Variants in AK8 observed in about 807,000 individuals in gnomAD.
AK8 encodes the protein adenylate kinase 8, also known as ATP-AMP transphosphorylase 8.
Under a neutral mutation model 54.6 loss-of-function variants are expected in AK8, and 44 were observed. The ratio of observed to expected loss-of-function variants is 0.81; its 90% CI spans 0.63 to 1.04. AK8 has a LOEUF of 1.04. Among genes scored for constraint, AK8 ranks in the 50% least tolerant of loss-of-function variants. AK8 has a pLI of 0.00. For missense variants in AK8, 555 were observed against 613.6 expected (o/e 0.90, Z 1.01); for synonymous variants, 239 against 245.6 (o/e 0.97, Z 0.25).
At chr9:132,864,244 G>C (rs1343751877) in intron 3 of AK8, among the ~76,000 whole-genome samples, 1 of 152,164 alleles carries the variant, frequency 6.6e-6, no homozygotes, top group Non-Finnish European at 1.5e-5. Context: ...TAGTCTATAA[G>C]GGAAGAGTAA....
At chr9:132,838,914 T>C (rs1842428727) in intron 5 of AK8, among the ~76,000 whole-genome samples, 1 of 152,146 alleles carries the variant, frequency 6.6e-6, no homozygotes, top group Non-Finnish European at 1.5e-5. Flanking sequence ...GGCCAGTAAA[T>C]GCTAGCTGAG....
In AK8 at chr9:132,863,703, T is replaced by C. The variant is rs374191378; in HGVS notation, c.295A>G (p.Thr99Ala). The C allele has an allele frequency of 4.3e-6, 7 of 1,613,852 alleles. No individual in the cohort carries two copies. Among genetic ancestry groups the C allele is most frequent in the Non-Finnish European group, 5.9e-6 (7 of 1,179,976 alleles). ...TAAAGCCTTCTGGCTTCGGTGGCCG[T>C]ATAGGAAAACTCATTTAAGATCAGG... ...ENLILNEFSY[T>A]ATEARRLYLQ... Residue 99 changes from threonine (T) to alanine (A), a missense_variant, in exon 4 of 13, where the codon ACG (threonine) becomes GCG (alanine). By Grantham distance (58) the Thr-to-Ala change is moderately conservative (BLOSUM62 0). Transcript: ENST00000298545.
chr9:132,762,239 C>T (rs1039588062), intron 11 of AK8, among the ~76,000 whole-genome samples: 1 of 152,170 alleles, frequency 6.6e-6, no homozygotes, highest in Admixed American at 6.5e-5. Context: ...AAGGAATCCA[C>T]TTTTGCTCTA....
intron 11 of AK8, among the ~76,000 whole-genome samples, chr9:132,780,431 T>C (rs1036278863): frequency 2.0e-5 from 3 of 152,062 alleles, no homozygotes; most frequent in Admixed American, 6.5e-5. Context: ...CTGGAGGAAA[T>C]GTCTGTGTGG....
At chr9:132,840,492 G>A (rs910547533) in intron 5 of AK8, among the ~76,000 whole-genome samples, 10 of 151,456 alleles carry the variant, frequency 6.6e-5, no homozygotes, top group East Asian at 1.9e-4. Flanking sequence ...CAGCTGGCTC[G>A]GAAATTTCAC....
chr9:132,850,220 ATT>A (rs34506307), intron 5 of AK8, among the ~76,000 whole-genome samples: 14 of 122,986 alleles, frequency 1.1e-4, no homozygotes, highest in African/African-American at 1.2e-4. Flanking sequence ...TGCCCAGCTA[ATT>A]TTTTTTTTTT....
chr9:132,817,928 T>C (rs1841402474), intron 9 of AK8, among the ~76,000 whole-genome samples: 6 of 152,200 alleles, frequency 3.9e-5, no homozygotes, highest in Admixed American at 3.9e-4. Context: ...CGTAGTCAAA[T>C]TGCTGAAAGC....
intron 9 of AK8, among the ~76,000 whole-genome samples, chr9:132,821,799 A>ATATATG (rs1554797752): frequency 4.2e-5 from 5 of 117,866 alleles, no homozygotes; most frequent in Non-Finnish European, 9.3e-5. Context: ...AAATATATAC[A>ATATATG]TATATGTGTA....
intron 10 of AK8, among the ~76,000 whole-genome samples, chr9:132,793,010 T>C (rs530837244): frequency 6.6e-6 from 1 of 152,308 alleles, no homozygotes; most frequent in East Asian, 1.9e-4. Context: ...GGTCTTTCCC[T>C]TTCCTGGACA....
rs1263803288 is a variant in AK8 at position 132,837,345 on chromosome 9, A to G, written c.403-8619T>C. On this transcript the variant is annotated intron_variant, in intron 5 of 12. Transcript: ENST00000298545. This position sits in a 1 kb window ranked among gnomAD's most constrained non-coding sequence, Gnocchi z 4.3. ...AAAAAAAAAAAAAAAAAAAGAATGA[A>G]AGAATGAGGAGTTGGCCCCCTTCTG... Among the ~76,000 whole-genome samples the G allele has an allele frequency of 6.6e-6, 1 of 151,424 alleles. No individual in the cohort carries two copies.
intron 4 of AK8, among the ~76,000 whole-genome samples, chr9:132,858,356 G>A (rs532506954): frequency 3.3e-5 from 5 of 152,342 alleles, no homozygotes; most frequent in Non-Finnish European, 5.9e-5. Flanking sequence ...CTGCCCCTGG[G>A]GCGTCACTTG....
rs558585703 is a variant in AK8, at chr9:132,794,602, T to C, written c.980-1827A>G. ...TTCTTTAATGTCTGCGTCTCTTTCA[T>C]GGATGGGTCCCATAATAACAAAGAA... On this transcript the variant is annotated intron_variant, in intron 10 of 12. Coordinates refer to ENST00000298545, the MANE Select transcript of AK8 (RefSeq NM_152572.3). 5.3e-5 allele frequency among the ~76,000 whole-genome samples: 8 copies of C among 152,372 alleles called. No homozygotes were observed. In the South Asian group the frequency reaches 1.7e-3, roughly 32 times the overall value.
chr9:132,775,931 T>A (rs1318030841), intron 11 of AK8, among the ~76,000 whole-genome samples: 2 of 152,234 alleles, frequency 1.3e-5, no homozygotes, highest in South Asian at 4.1e-4. Context: ...CATTTTTTGA[T>A]GTCACTGCTT....
intron 10 of AK8, among the ~76,000 whole-genome samples, chr9:132,796,239 C>A (rs1420194159): frequency 6.6e-6 from 1 of 152,222 alleles, no homozygotes; most frequent in African/African-American, 2.4e-5. Context: ...CTGAGTCCCT[C>A]ACATTGGCCA....
At chr9:132,876,009 A>G (rs1042027556) in intron 1 of AK8, among the ~76,000 whole-genome samples, 4 of 152,230 alleles carry the variant, frequency 2.6e-5, no homozygotes, top group Admixed American at 1.3e-4. Context: ...CAGAGAAATG[A>G]GGAGGAGCTC....
rs542417923 is a variant in AK8, at chr9:132,749,620, C to G, written c.1122-22086G>C. Among the ~76,000 whole-genome samples, 4 of 151,952 alleles carry G rather than the reference C, an allele frequency of 2.6e-5. No homozygotes were observed. The South Asian group carries it at 8.3e-4, about 32-fold the overall frequency. On this transcript the variant is annotated intron_variant, in intron 11 of 12. Coordinates refer to ENST00000298545, the MANE Select transcript of AK8 (RefSeq NM_152572.3). ...GAACTCGCGACTCACAGCTGCTGGACTCTAACATCCAGGGTGGGAGCCACT... is the reference window on the plus strand; with the variant it reads ...GAACTCGCGACTCACAGCTGCTGGAGTCTAACATCCAGGGTGGGAGCCACT...
rs1029017868 is a variant in AK8, at chr9:132,752,828, C to G, written c.1122-25294G>C. Among the ~76,000 whole-genome samples the G allele has an allele frequency of 3.3e-5, 5 of 152,018 alleles. No homozygotes were observed. The South Asian group carries it at 6.2e-4, about 19-fold the overall frequency. ...AGCCCTCCTCAGAGGCACCTTCCCC[C>G]ACCAGCGCATCCAAACCAGTCAGCT... On this transcript the variant is annotated intron_variant, in intron 11 of 12. Coordinates refer to ENST00000298545, the MANE Select transcript of AK8 (RefSeq NM_152572.3).
intron 11 of AK8, among the ~76,000 whole-genome samples, chr9:132,744,638 T>C (rs1232451966): frequency 6.6e-6 from 1 of 152,112 alleles, no homozygotes; most frequent in African/African-American, 2.4e-5. Context: ...ACCAGTGGTA[T>C]TAATTAAGGG....
chr9:132,745,664 T>C (rs1837615889), intron 11 of AK8, among the ~76,000 whole-genome samples: 1 of 152,074 alleles, frequency 6.6e-6, no homozygotes, highest in African/African-American at 2.4e-5. Context: ...TTCCGGGTAG[T>C]GGAGGGGAGG....
Sources: gnomAD v4.1 joint callset for allele counts (sites outside exome capture counted in the v4.1 genomes callset) on GRCh38, gnomAD v4.1.1 for gene constraint, Gnocchi (gnomAD v3.1) non-coding constraint, MANE v1.5 for transcripts, NCBI Gene and HGNC (gene_info 2026-07-23, HGNC 2026-07-21) for gene names.